Variants in USP38 observed in about 807,000 individuals in gnomAD.
USP38 encodes the protein ubiquitin carboxyl-terminal hydrolase 38.
In USP38, 49 loss-of-function variants were observed where a neutral mutation model predicts 94.3. That is an observed-to-expected ratio of 0.52 (90% CI 0.41 to 0.66). The LOEUF is 0.66. USP38 is among the 30% of genes least tolerant of loss of function. The probability of loss-of-function intolerance (pLI) is 0.00; values close to 1 mark genes in which losing one functional copy is unlikely to be tolerated. For missense variants in USP38, 1,128 were observed against 1,229.4 expected, an observed-to-expected ratio of 0.92 and a Z score of 1.23; for synonymous variants, 468 against 463.6, an observed-to-expected ratio of 1.01 and a Z score of -0.12.
At chr4:143,203,353 G>A in intron 4 of USP38, 55 bp from the exon 5 acceptor site, 1 of 1,537,982 alleles carries the variant, frequency 6.5e-7, no homozygotes, top group Admixed American at 1.8e-5. Flanking sequence ...GTAGGCTAGA[G>A]AATGTGTTAC....
chr4:143,223,767 CTA>C lies in USP38; in HGVS notation c.*3313_*3314del, dbSNP rs1177433804. On this transcript the variant is annotated 3_prime_UTR_variant, in exon 10 of 10. Transcript: ENST00000307017. Reference sequence around the variant, plus strand: ...CATATAAAGAGCTCTTTTAAAATGACTATTTCAAAAATACTGTACATTTATAT... The same window carrying C: ...CATATAAAGAGCTCTTTTAAAATGACTTTCAAAAATACTGTACATTTATAT... 2.0e-5 allele frequency: 3 copies of C among 152,094 alleles called. No homozygotes were observed. The highest frequency in any genetic ancestry group is 7.2e-5 in the African/African-American group (3 of 41,538). The allele number at this position is 152,094 out of a possible 1,614,324, so 9.4% of individuals were successfully genotyped here.
intron 3 of USP38, among the ~76,000 whole-genome samples, chr4:143,196,901 C>T (rs907426522): frequency 5.3e-5 from 8 of 151,668 alleles, no homozygotes; most frequent in Admixed American, 4.6e-4. Flanking sequence ...TTTTTCATTC[C>T]CTCTCAGCCC....
Position 143,216,368 on chromosome 4 carries a change from T to TA in USP38, c.2967+1426dup, listed in dbSNP as rs1732181743. Among the ~76,000 whole-genome samples, 6 of 152,290 alleles carry TA rather than the reference T, an allele frequency of 3.9e-5. No homozygotes were observed. The South Asian group carries it at 1.2e-3, about 32-fold the overall frequency. On this transcript the variant is annotated intron_variant, in intron 9 of 9. Coordinates refer to ENST00000307017, the MANE Select transcript of USP38 (RefSeq NM_032557.6). Reference sequence around the variant, plus strand: ...ACAAGTTGTTTGATGCAAGAAAAGATACCACCAAATTTTATATTAAGGTAT... The same window carrying TA: ...ACAAGTTGTTTGATGCAAGAAAAGATAACCACCAAATTTTATATTAAGGTAT...
intron 3 of USP38, among the ~76,000 whole-genome samples, chr4:143,197,405 C>A (rs1408696704): frequency 6.6e-6 from 1 of 152,092 alleles, no homozygotes; most frequent in Non-Finnish European, 1.5e-5. Flanking sequence ...ATTGTTTCTA[C>A]CTGCCCTCTA....
chr4:143,209,493 A>C, intron 6 of USP38, 71 bp from the exon 7 acceptor site: 1 of 987,980 alleles, frequency 1.0e-6, no homozygotes, highest in Non-Finnish European at 1.4e-6. Flanking sequence ...CTGTCTCAAA[A>C]AAAAAAAAAG....
chr4:143,188,031 G>C, intron 2 of USP38, 70 bp downstream of exon 2: 1 of 1,456,494 alleles, frequency 6.9e-7, no homozygotes, highest in African/African-American at 1.4e-5. Context: ...TATTTTGTGA[G>C]TAATGAAAAA....
At position 143,214,096 on chromosome 4, in the gene USP38, C is replaced by T. The variant is rs1194992454; in HGVS notation, c.2120C>T (p.Pro707Leu). The T allele has an allele frequency of 6.2e-7, 1 of 1,613,356 alleles. No individual in the cohort carries two copies. Among genetic ancestry groups the T allele is most frequent in the Non-Finnish European group, 8.5e-7 (1 of 1,179,738 alleles). Residue 707 changes from proline (P) to leucine (L), a missense_variant, in exon 9 of 10, where the codon CCT becomes CTT. Coordinates refer to ENST00000307017, the MANE Select transcript of USP38 (RefSeq NM_032557.6). ...AAGATTCTTGTTAATAAAGATGTAC[C>T]TCAGAAACCAGGAGGTGAAACCACA... ...SNKILVNKDVPQKPGGETTPS... is the reference protein window; with the variant it reads ...SNKILVNKDVLQKPGGETTPS...
chr4:143,216,081 C>T (rs895375041), intron 9 of USP38, among the ~76,000 whole-genome samples: 1 of 152,020 alleles, frequency 6.6e-6, no homozygotes, highest in Non-Finnish European at 1.5e-5. Flanking sequence ...ACTCTCATTT[C>T]TGTGATTAGA....
At chr4:143,209,480 ACT>A (rs1731961719) in intron 6 of USP38, 82 bp from the exon 7 acceptor site, 2 of 793,934 alleles carry the variant, frequency 2.5e-6, no homozygotes, top group East Asian at 3.1e-5. Flanking sequence ...ACAAAAGGAA[ACT>A]CTGTCTCAAA....
chr4:143,220,379 G>A lies in USP38; in HGVS notation c.3052G>A (p.Asp1018Asn), dbSNP rs748416210. Residue 1018 changes from aspartate (D) to asparagine (N), a missense_variant, in exon 10 of 10, where the codon GAC becomes AAC. Physicochemically the swap from Asp to Asn is conservative, Grantham distance 23 (BLOSUM62 1). Transcript: ENST00000307017. Reference protein sequence around the residue: ...SFRPNGFDDNDPPGSCGPTGG... With the variant: ...SFRPNGFDDNNPPGSCGPTGG... ...TCGGCCCAATGGATTTGATGACAAC[G>A]ACCCACCAGGAAGCTGTGGACCAAC... 41 of 1,613,314 alleles carry A rather than the reference G, an allele frequency of 2.5e-5. 1 individual carries two copies. In the South Asian group the frequency reaches 3.1e-4, roughly 12 times the overall value.
chr4:143,217,313 C>T (rs1313083285), intron 9 of USP38, among the ~76,000 whole-genome samples: 1 of 152,152 alleles, frequency 6.6e-6, no homozygotes, highest in Non-Finnish European at 1.5e-5. Context: ...TTTCAGCTAT[C>T]ACTTCTTAAA....
At chr4:143,188,545 AG>A (rs1581154182) in intron 2 of USP38, among the ~76,000 whole-genome samples, 2 of 152,036 alleles carry the variant, frequency 1.3e-5, no homozygotes, top group Non-Finnish European at 2.9e-5. Context: ...TTCCTTTGTG[AG>A]TAGTCAGCTT....
chr4:143,200,722 A>G (rs908635918), intron 4 of USP38, among the ~76,000 whole-genome samples: 15 of 152,208 alleles, frequency 9.9e-5, no homozygotes, highest in Admixed American at 5.9e-4. Flanking sequence ...TAGCATTCCT[A>G]TACACCAACA....
rs1731163605 is a variant in USP38, at chr4:143,185,038, G to C, written c.-413G>C. The C allele has an allele frequency of 5.7e-6, 1 of 174,236 alleles. No homozygotes were observed. The highest frequency in any genetic ancestry group is 1.4e-4 in the South Asian group (1 of 6,974). The allele number at this position is 174,236 out of a possible 1,614,324, so 10.8% of individuals were successfully genotyped here. On this transcript the variant is annotated 5_prime_UTR_variant, in exon 1 of 10. Coordinates refer to ENST00000307017, the MANE Select transcript of USP38 (RefSeq NM_032557.6). Reference sequence around the variant, plus strand: ...CGGCTTCTTCTCACGACCTGCTGGAGACTGGACGCCCACACCTGACCCGGA... The same window carrying C: ...CGGCTTCTTCTCACGACCTGCTGGACACTGGACGCCCACACCTGACCCGGA...
chr4:143,213,747 G>A lies in USP38; in HGVS notation c.1771G>A (p.Gly591Arg), dbSNP rs775626206. ...GEKTLIEKMF[G>R]GKLRTHIRCL... ...GAAGACTTTAATAGAAAAAATGTTTGGAGGAAAACTACGAACTCACATACG... is the reference window on the plus strand; with the variant it reads ...GAAGACTTTAATAGAAAAAATGTTTAGAGGAAAACTACGAACTCACATACG... Residue 591 changes from glycine to arginine, a missense_variant, in exon 9 of 10, where the codon GGA (glycine) becomes AGA (arginine). Gly to Arg is a moderately radical substitution (Grantham distance 125). Transcript: ENST00000307017. 1.1e-5 allele frequency: 18 copies of A among 1,613,696 alleles called. No individual in the cohort carries two copies. The highest frequency in any genetic ancestry group is 1.5e-5 in the Non-Finnish European group (18 of 1,179,794).
intron 1 of USP38, 113 bp from the exon 2 acceptor site, chr4:143,187,713 C>A: frequency 8.8e-7 from 1 of 1,131,188 alleles, no homozygotes; most frequent in Non-Finnish European, 1.2e-6. Flanking sequence ...CATAATAATC[C>A]TTCCTAGTTA....
At chr4:143,201,020 A>G (rs961769479) in intron 4 of USP38, among the ~76,000 whole-genome samples, 2 of 152,226 alleles carry the variant, frequency 1.3e-5, no homozygotes, top group East Asian at 1.9e-4. Flanking sequence ...GAACTAAAAA[A>G]ACACTATTTT....
chr4:143,209,347 G>A (rs1731958750), intron 6 of USP38, among the ~76,000 whole-genome samples: 1 of 151,992 alleles, frequency 6.6e-6, no homozygotes, highest in African/African-American at 2.4e-5. Context: ...TTTAAGAAAT[G>A]CTTTTAAATG....
chr4:143,209,789 T>C, intron 7 of USP38, 132 bp downstream of exon 7: 1 of 555,902 alleles, frequency 1.8e-6, no homozygotes, highest in Non-Finnish European at 3.0e-6. Context: ...ACAAATCCAC[T>C]TAGAAATGCT....
Sources: gnomAD v4.1 joint callset for allele counts (sites outside exome capture counted in the v4.1 genomes callset) on GRCh38, gnomAD v4.1.1 for gene constraint, MANE v1.5 for transcripts, NCBI Gene and HGNC (gene_info 2026-07-23, HGNC 2026-07-21) for gene names.